HYKK: variants seen among roughly 807,000 people sequenced by gnomAD.
HYKK encodes 5-hydroxy-L-lysine kinase.
A neutral mutation model predicts 29.7 loss-of-function variants in HYKK; 19 were observed. The ratio of observed to expected loss-of-function variants is 0.64; its 90% confidence interval spans 0.45 to 0.94. The LOEUF (loss-of-function observed/expected upper bound fraction) is 0.94, where lower values mean the gene tolerates loss of function less well. HYKK is among the 40% of genes least tolerant of loss of function. The pLI is 0.00. For missense variants in HYKK, 390 were observed against 443.4 expected, an observed-to-expected ratio of 0.88 and a Z score of 1.08; for synonymous variants, 152 against 158.1, an observed-to-expected ratio of 0.96 and a Z score of 0.29.
intron 4 of HYKK, among the ~76,000 whole-genome samples, chr15:78,532,828 G>C (rs540690348): frequency 5.7e-4 from 87 of 152,204 alleles, no homozygotes; most frequent in African/African-American, 1.9e-3. Flanking sequence ...TAAAATCCTA[G>C]ATGAAAATAA....
rs2052355109 is a variant in HYKK, at chr15:78,535,565, T to C, written c.*1895T>C. 6.6e-6 allele frequency: 1 copy of C among 152,222 alleles called. No homozygotes were observed. The highest frequency in any genetic ancestry group is 2.1e-4 in the South Asian group (1 of 4,826). 9.4% of individuals were successfully genotyped at this position (152,222 alleles called of 1,614,324 possible). ...TAGTTAGGACTCAGTAACTATTTACTCAATAAATGAACCATATTCCAGGTT... is the reference window on the plus strand; with the variant it reads ...TAGTTAGGACTCAGTAACTATTTACCCAATAAATGAACCATATTCCAGGTT... On this transcript the variant is annotated 3_prime_UTR_variant, in exon 5 of 5. Coordinates refer to ENST00000388988, the MANE Select transcript of HYKK (RefSeq NM_001013619.4).
At chr15:78,516,895 G>A (rs1246437133) in intron 3 of HYKK, among the ~76,000 whole-genome samples, 1 of 151,888 alleles carries the variant, frequency 6.6e-6, no homozygotes, top group African/African-American at 2.4e-5. Flanking sequence ...GGTGGTGCAT[G>A]CTTGTAGTCC....
At chr15:78,512,765 A>G (rs993588171) in intron 1 of HYKK, among the ~76,000 whole-genome samples, 18 of 152,164 alleles carry the variant, frequency 1.2e-4, no homozygotes, top group African/African-American at 4.3e-4. Flanking sequence ...ACCTCTCAGG[A>G]CCAAAATTTC....
Position 78,513,074 on chromosome 15 carries a change from G to C in HYKK, c.-5-10G>C. The C allele has an allele frequency of 6.7e-7, 1 of 1,489,754 alleles. No individual in the cohort carries two copies. Among genetic ancestry groups the C allele is most frequent in the African/African-American group, 1.4e-5 (1 of 71,364 alleles). 92.3% of individuals were successfully genotyped at this position (1,489,754 alleles called of 1,614,324 possible). A position where few individuals can be genotyped will look rare whatever the true frequency, so the allele number is the denominator to read the frequency against. ...GTCCCCTTTCTGTTTGTTGCTTTTTGTTCCCCTAGACATAATGTCAAGTGG... is the reference window on the plus strand; with the variant it reads ...GTCCCCTTTCTGTTTGTTGCTTTTTCTTCCCCTAGACATAATGTCAAGTGG... On this transcript the variant is annotated splice_polypyrimidine_tract_variant and intron_variant, in intron 1 of 4. Coordinates refer to ENST00000388988, the MANE Select transcript of HYKK (RefSeq NM_001013619.4).
intron 1 of HYKK, among the ~76,000 whole-genome samples, chr15:78,510,740 G>A (rs1018755660): frequency 1.3e-5 from 2 of 152,186 alleles, no homozygotes; most frequent in South Asian, 2.1e-4. Flanking sequence ...TCTCAGAAGC[G>A]CTCTTTCTTT....
chr15:78,511,420 A>G (rs1479235605), intron 1 of HYKK, among the ~76,000 whole-genome samples: 1 of 152,038 alleles, frequency 6.6e-6, no homozygotes. Context: ...CATGTATCCA[A>G]ATCATACTTA....
chr15:78,511,987 C>T (rs1478154410), intron 1 of HYKK, among the ~76,000 whole-genome samples: 2 of 152,210 alleles, frequency 1.3e-5, no homozygotes, highest in African/African-American at 4.8e-5. Flanking sequence ...TCATAGGTCA[C>T]AAACTCAAAT....
intron 4 of HYKK, chr15:78,528,867 T>C: frequency 1.0e-6 from 1 of 983,080 alleles, no homozygotes; most frequent in Non-Finnish European, 1.2e-6. Context: ...CAGTATGTGT[T>C]TCTCAGTGTT....
In HYKK at chr15:78,536,235, G is replaced by C. The variant is rs2052361299; in HGVS notation, c.*2565G>C. The C allele has an allele frequency of 6.6e-6, 1 of 151,948 alleles. No homozygotes were observed. The allele number at this position is 151,948 out of a possible 1,614,324, so 9.4% of individuals were successfully genotyped here. A position where few individuals can be genotyped will look rare whatever the true frequency, so the allele number is the denominator to read the frequency against. The stretch of plus-strand genomic sequence containing the variant: ...ATCAGGCCTTTCTGATGTAGACCAT[G>C]CTCTTCACTACCACAGAGTTCCATG... On this transcript the variant is annotated 3_prime_UTR_variant, in exon 5 of 5. Coordinates refer to ENST00000388988, the MANE Select transcript of HYKK (RefSeq NM_001013619.4).
At chr15:78,508,946 G>T (rs1022109215) in intron 1 of HYKK, among the ~76,000 whole-genome samples, 53 of 146,372 alleles carry the variant, frequency 3.6e-4, no homozygotes, top group Non-Finnish European at 5.8e-4. Flanking sequence ...TATTTGGGAA[G>T]CTCAGGTGGG....
At chr15:78,522,614 C>T (rs528609383) in intron 3 of HYKK, among the ~76,000 whole-genome samples, 15 of 147,990 alleles carry the variant, frequency 1.0e-4, no homozygotes, top group African/African-American at 3.0e-4. Flanking sequence ...CGGTGGCTCA[C>T]GCCTGTAATC....
intron 1 of HYKK, among the ~76,000 whole-genome samples, chr15:78,512,197 C>CT (rs2052079975): frequency 6.6e-6 from 1 of 152,086 alleles, no homozygotes; most frequent in Non-Finnish European, 1.5e-5. Context: ...TCACACAATA[C>CT]TTAGCTCATC....
At chr15:78,530,147 C>T (rs1223162152) in intron 4 of HYKK, among the ~76,000 whole-genome samples, 1 of 150,952 alleles carries the variant, frequency 6.6e-6, no homozygotes, top group Non-Finnish European at 1.5e-5. Flanking sequence ...TATTTTTTTA[C>T]AGCTTTATTG....
chr15:78,519,822 C>T (rs771150395), intron 3 of HYKK, among the ~76,000 whole-genome samples: 3 of 152,214 alleles, frequency 2.0e-5, no homozygotes, highest in Non-Finnish European at 4.4e-5. Flanking sequence ...TAAAGTCTGT[C>T]TACCTTCCTC....
chr15:78,533,364 C>T lies in HYKK; in HGVS notation c.816C>T (p.Tyr272=), dbSNP rs759593573. 3 of 1,614,190 alleles carry T rather than the reference C, an allele frequency of 1.9e-6. No individual in the cohort carries two copies. Among genetic ancestry groups the T allele is most frequent in the South Asian group, 2.2e-5 (2 of 91,078 alleles). Reference sequence around the variant, plus strand: ...TTGAAGTGGCAATTACCATCATGTACATGATGATTGAGAGCAAGAGTCCTA... The same window carrying T: ...TTGAAGTGGCAATTACCATCATGTATATGATGATTGAGAGCAAGAGTCCTA... ...YVFEVAITIM[Y]MMIESKSPIQ... is the part of the protein sequence containing the mutation. The change falls in exon 5 of 5, where the codon TAC becomes TAT. Residue 272 remains tyrosine, a synonymous_variant. Transcript: ENST00000388988.
At position 78,515,041 on chromosome 15, in the gene HYKK, T is replaced by A; in HGVS notation, c.411T>A (p.Leu137=). The A allele has an allele frequency of 1.2e-6, 2 of 1,605,474 alleles. No individual in the cohort carries two copies. Among genetic ancestry groups the A allele is most frequent in the Non-Finnish European group, 1.7e-6 (2 of 1,175,034 alleles). Residue 137 remains leucine, a synonymous_variant, in exon 3 of 5, where the codon CTT becomes CTA. Transcript: ENST00000388988. ...TYLPGRPIAE[L]PVSPQLLYEI... The stretch of plus-strand genomic sequence containing the variant: ...TCCCAGGAAGACCCATCGCTGAGCT[T>A]CCCGTCAGCCCCCAGCTATTGTATG...
intron 4 of HYKK, among the ~76,000 whole-genome samples, chr15:78,532,267 G>A (rs1223222705): frequency 3.3e-5 from 5 of 152,086 alleles, no homozygotes; most frequent in East Asian, 3.9e-4. Flanking sequence ...ACTCGTGTAC[G>A]CTCCATTCAA....
chr15:78,513,782 G>T (rs1283205862), intron 2 of HYKK, among the ~76,000 whole-genome samples: 1 of 151,958 alleles, frequency 6.6e-6, no homozygotes, highest in Non-Finnish European at 1.5e-5. Flanking sequence ...GTGGTTTTGG[G>T]ATTTTTTATT....
intron 3 of HYKK, among the ~76,000 whole-genome samples, chr15:78,521,921 A>C (rs2141359412): frequency 6.6e-6 from 1 of 151,766 alleles, no homozygotes; most frequent in Non-Finnish European, 1.5e-5. Context: ...GCCTTCCCCG[A>C]GTAGACTGTC....
Sources: allele counts gnomAD v4.1 joint callset (sites outside exome capture counted in the v4.1 genomes callset), GRCh38; gene constraint gnomAD v4.1.1; transcripts MANE v1.5; gene names NCBI Gene and HGNC (gene_info 2026-07-23, HGNC 2026-07-21).